The following KIAA1217 variants were observed in gnomAD, a reference collection of about 807,000 sequenced individuals.
KIAA1217 encodes the protein KIAA1217, also known as sickle tail protein homolog.
Under a neutral mutation model 163.9 loss-of-function variants are expected in KIAA1217, and 88 were observed. That is an observed-to-expected ratio of 0.54 (90% CI 0.45 to 0.64). KIAA1217 has a LOEUF of 0.64. Among genes scored for constraint, KIAA1217 ranks in the 30% least tolerant of loss-of-function variants. The pLI is 0.00. For missense variants in KIAA1217, 2,372 were observed against 2,475.0 expected, an observed-to-expected ratio of 0.96 and a Z score of 0.88; for synonymous variants, 903 against 923.1, an observed-to-expected ratio of 0.98 and a Z score of 0.39.
intron 2 of KIAA1217, among the ~76,000 whole-genome samples, chr10:24,168,690 G>C (rs1285164901): frequency 2.6e-5 from 4 of 152,212 alleles, no homozygotes; most frequent in Non-Finnish European, 5.9e-5. Context: ...CAGAAGACAG[G>C]CTGTCCCTGT....
chr10:23,928,460 A>G (rs1463940078), intron 1 of KIAA1217, among the ~76,000 whole-genome samples: 4 of 152,064 alleles, frequency 2.6e-5, no homozygotes, highest in African/African-American at 9.7e-5. Context: ...TGATTTGTTC[A>G]TTTATTTGTT....
At chr10:24,272,104 T>C (rs1298782861) in intron 2 of KIAA1217, among the ~76,000 whole-genome samples, 1 of 152,162 alleles carries the variant, frequency 6.6e-6, no homozygotes, top group Non-Finnish European at 1.5e-5. Context: ...GTTCAAAGGT[T>C]CCTCATGCCT....
intron 6 of KIAA1217, among the ~76,000 whole-genome samples, chr10:24,478,509 A>T (rs1024811189): frequency 3.3e-5 from 5 of 152,198 alleles, no homozygotes; most frequent in African/African-American, 1.2e-4. Context: ...GTACAGTGAC[A>T]GATCATAGCT....
At chr10:24,139,710 T>C (rs2063974903) in intron 2 of KIAA1217, among the ~76,000 whole-genome samples, 2 of 152,280 alleles carry the variant, frequency 1.3e-5, no homozygotes, top group African/African-American at 4.8e-5. Flanking sequence ...ATTTTATAGG[T>C]TTATTATGAA....
intron 1 of KIAA1217, among the ~76,000 whole-genome samples, chr10:23,824,486 A>T: frequency 6.9e-6 from 1 of 145,804 alleles, no homozygotes; most frequent in East Asian, 2.0e-4. Context: ...AAATTAGCTC[A>T]GCATGGTGAC....
chr10:24,091,721 C>T (rs2061945208), intron 2 of KIAA1217, among the ~76,000 whole-genome samples: 1 of 151,824 alleles, frequency 6.6e-6, no homozygotes, highest in South Asian at 2.1e-4. Context: ...GCTGAACTTG[C>T]AGCTTTGCTT....
chr10:24,235,547 C>T (rs542342320), intron 2 of KIAA1217, among the ~76,000 whole-genome samples: 17 of 152,350 alleles, frequency 1.1e-4, no homozygotes, highest in Non-Finnish European at 2.1e-4. Flanking sequence ...ACCAGAACTT[C>T]GGATTGCAGC....
In KIAA1217 at chr10:24,332,531, A is replaced by G. The variant is rs58590164; in HGVS notation, c.355-48338A>G. On this transcript the variant is annotated intron_variant, in intron 2 of 20. Transcript: ENST00000376454. ...AGCAGGTATTAGCAATGTGGTTTTA[A>G]AAAGAGCAACTCCTGTCAGACTAAT... Among the ~76,000 whole-genome samples, 1,479 of 152,140 alleles carry G rather than the reference A, an allele frequency of 9.7e-3. 25 individuals carry two copies. The highest frequency in any genetic ancestry group is 0.034 in the African/African-American group (1,415 of 41,496).
chr10:24,335,467 G>A (rs1235238522), intron 2 of KIAA1217, among the ~76,000 whole-genome samples: 1 of 151,446 alleles, frequency 6.6e-6, no homozygotes, highest in African/African-American at 2.4e-5. Context: ...TAATGGGTAT[G>A]GAGTTTTATT....
chr10:23,883,238 G>A (rs568436427), intron 1 of KIAA1217, among the ~76,000 whole-genome samples: 11 of 152,030 alleles, frequency 7.2e-5, no homozygotes, highest in African/African-American at 2.6e-4. Flanking sequence ...TAGATCGAAT[G>A]TCCTAACTCA....
At chr10:23,729,926 T>C (rs1038078756) in intron 1 of KIAA1217, among the ~76,000 whole-genome samples, 8 of 151,496 alleles carry the variant, frequency 5.3e-5, no homozygotes, top group Non-Finnish European at 1.2e-4. Flanking sequence ...TTTTTTGACA[T>C]AGTCTCACTC....
At chr10:24,103,184 A>G (rs1348653312) in intron 2 of KIAA1217, among the ~76,000 whole-genome samples, 4 of 152,216 alleles carry the variant, frequency 2.6e-5, no homozygotes, top group Non-Finnish European at 4.4e-5. Context: ...TTTTTAAAAT[A>G]GGGTACTGGA....
chr10:24,006,353 T>C (rs1027421709), intron 1 of KIAA1217, among the ~76,000 whole-genome samples: 3 of 152,226 alleles, frequency 2.0e-5, no homozygotes, highest in Non-Finnish European at 4.4e-5. Flanking sequence ...TCCATCATTT[T>C]CCTTCTCCTT....
chr10:24,364,845 G>A (rs939546721), intron 2 of KIAA1217, among the ~76,000 whole-genome samples: 4 of 151,178 alleles, frequency 2.6e-5, no homozygotes, highest in African/African-American at 9.7e-5. Flanking sequence ...GCTGGAGTAC[G>A]TTGGTGTGAT....
chr10:24,258,052 A>C (rs1247449467), intron 2 of KIAA1217, among the ~76,000 whole-genome samples: 1 of 152,134 alleles, frequency 6.6e-6, no homozygotes, highest in Non-Finnish European at 1.5e-5. Flanking sequence ...ATAGTGGTGC[A>C]TACCTATAAT....
chr10:23,959,762 G>A (rs549043457), intron 1 of KIAA1217, among the ~76,000 whole-genome samples: 2 of 152,114 alleles, frequency 1.3e-5, no homozygotes, highest in East Asian at 1.9e-4. Context: ...TGATTAACTC[G>A]GGGGAGCTTA....
At chr10:24,181,587 C>G (rs1040734157) in intron 2 of KIAA1217, among the ~76,000 whole-genome samples, 20 of 152,104 alleles carry the variant, frequency 1.3e-4, no homozygotes, top group African/African-American at 4.8e-4. Context: ...ACAGCCTGAT[C>G]AATTTTGTCA....
intron 17 of KIAA1217, among the ~76,000 whole-genome samples, chr10:24,540,677 T>C (rs747108231): frequency 2.6e-5 from 4 of 152,230 alleles, no homozygotes; most frequent in South Asian, 2.1e-4. Flanking sequence ...AGGGGGCAAA[T>C]TCTCATTTGG....
chr10:24,282,958 C>T (rs1303061705), intron 2 of KIAA1217, among the ~76,000 whole-genome samples: 2 of 151,300 alleles, frequency 1.3e-5, no homozygotes, highest in Non-Finnish European at 2.9e-5. Context: ...CTTAGCCTCC[C>T]GAGTAACTGG....
Sources: allele counts gnomAD v4.1 joint callset (sites outside exome capture counted in the v4.1 genomes callset), GRCh38; gene constraint gnomAD v4.1.1; transcripts MANE v1.5; gene names NCBI Gene and HGNC (gene_info 2026-07-23, HGNC 2026-07-21).